Variants in GPC6 observed in about 807,000 individuals in gnomAD.
GPC6 encodes the protein glypican-6.
Under a neutral mutation model 55.2 loss-of-function variants are expected in GPC6, and 14 were observed. That is an observed-to-expected ratio of 0.25 (90% CI 0.17 to 0.40). The LOEUF (loss-of-function observed/expected upper bound fraction) is 0.40. Ranked by LOEUF, GPC6 falls within the 10% of genes least tolerant of loss-of-function variation. The pLI is 1.00. For synonymous variants in GPC6, 278 were observed against 259.6 expected, an observed-to-expected ratio of 1.07 and a Z score of -0.68; for missense variants, 641 against 708.5, an observed-to-expected ratio of 0.90 and a Z score of 1.08.
intron 7 of GPC6, among the ~76,000 whole-genome samples, chr13:94,392,905 A>G (rs1880719773): frequency 6.6e-6 from 1 of 151,316 alleles, no homozygotes; most frequent in Non-Finnish European, 1.5e-5. Context: ...GAGCCACTGC[A>G]CCCGGCCCTG....
intron 1 of GPC6, among the ~76,000 whole-genome samples, chr13:93,299,952 G>C (rs555548562): frequency 6.6e-6 from 1 of 152,178 alleles, no homozygotes; most frequent in African/African-American, 2.4e-5. Flanking sequence ...ATCAAGGATA[G>C]TATCTAGCAG....
At chr13:93,339,163 C>A (rs563118770) in intron 1 of GPC6, among the ~76,000 whole-genome samples, 54 of 152,226 alleles carry the variant, frequency 3.5e-4, no homozygotes, top group African/African-American at 1.3e-3. Flanking sequence ...GTTCCTAGTT[C>A]TCATCTTTAA....
At chr13:93,427,750 A>G (rs1877197976) in intron 1 of GPC6, among the ~76,000 whole-genome samples, 1 of 152,144 alleles carries the variant, frequency 6.6e-6, no homozygotes, top group Non-Finnish European at 1.5e-5. Flanking sequence ...TAGCACAGCA[A>G]TAGCCTCATA....
intron 1 of GPC6, among the ~76,000 whole-genome samples, chr13:93,494,572 T>C (rs1566387184): frequency 6.6e-6 from 1 of 152,198 alleles, no homozygotes; most frequent in Non-Finnish European, 1.5e-5. Context: ...CATTATGATG[T>C]TAGCTGGTGA....
At chr13:93,725,370 A>T (rs1171716441) in intron 2 of GPC6, among the ~76,000 whole-genome samples, 1 of 152,070 alleles carries the variant, frequency 6.6e-6, no homozygotes, top group East Asian at 1.9e-4. Flanking sequence ...TCAAGAACCA[A>T]CATAATAAGC....
chr13:93,667,814 A>G (rs556077000), intron 2 of GPC6, among the ~76,000 whole-genome samples: 1 of 149,878 alleles, frequency 6.7e-6, no homozygotes, highest in African/African-American at 2.5e-5. Context: ...AATTCATAGC[A>G]GAGACTGCTG....
intron 1 of GPC6, among the ~76,000 whole-genome samples, chr13:93,434,722 T>A (rs1877501512): frequency 6.6e-6 from 1 of 152,194 alleles, no homozygotes; most frequent in Admixed American, 6.5e-5. Context: ...TTTTGTTTGT[T>A]TTTGAGACAG....
At chr13:93,418,453 A>G (rs191855268) in intron 1 of GPC6, among the ~76,000 whole-genome samples, 125 of 151,512 alleles carry the variant, frequency 8.3e-4, no homozygotes, top group African/African-American at 2.9e-3. Flanking sequence ...TAATAGCACT[A>G]TACTGTAGTA....
At chr13:93,281,538 GC>G (rs1477278682) in intron 1 of GPC6, among the ~76,000 whole-genome samples, 1 of 152,164 alleles carries the variant, frequency 6.6e-6, no homozygotes, top group Non-Finnish European at 1.5e-5. Context: ...GAATGGCTGG[GC>G]GCAGTGGCTT....
intron 4 of GPC6, among the ~76,000 whole-genome samples, chr13:94,280,976 TA>T (rs1892362771): frequency 6.6e-6 from 1 of 152,200 alleles, no homozygotes; most frequent in South Asian, 2.1e-4. Context: ...TTTATTTTTT[TA>T]ATTTTAATAT....
intron 3 of GPC6, among the ~76,000 whole-genome samples, chr13:93,944,029 C>T (rs1383646180): frequency 1.3e-5 from 2 of 152,144 alleles, no homozygotes; most frequent in Non-Finnish European, 2.9e-5. Flanking sequence ...CTCTGAAGCA[C>T]CTGCTAGCGC....
intron 4 of GPC6, among the ~76,000 whole-genome samples, chr13:94,185,732 C>CG (rs1889158296): frequency 6.6e-6 from 1 of 151,986 alleles, no homozygotes; most frequent in Non-Finnish European, 1.5e-5. Flanking sequence ...GCATCCCCAG[C>CG]GTGGAGCTCA....
At chr13:93,401,176 G>C (rs1377186263) in intron 1 of GPC6, among the ~76,000 whole-genome samples, 1 of 151,360 alleles carries the variant, frequency 6.6e-6, no homozygotes, top group Non-Finnish European at 1.5e-5. Context: ...GTGTGTGTGT[G>C]TGTGTGTGTG....
intron 1 of GPC6, among the ~76,000 whole-genome samples, chr13:93,544,891 T>C (rs1874693567): frequency 6.6e-6 from 1 of 152,182 alleles, no homozygotes; most frequent in Non-Finnish European, 1.5e-5. Flanking sequence ...TAAGTGTCTT[T>C]TGCCTTACTT....
At chr13:94,178,743 G>C (rs1278266636) in intron 4 of GPC6, among the ~76,000 whole-genome samples, 1 of 152,080 alleles carries the variant, frequency 6.6e-6, no homozygotes, top group Non-Finnish European at 1.5e-5. Flanking sequence ...ACTCTGATCA[G>C]CAGTTCTCAG....
At chr13:93,382,836 A>G (rs752123773) in intron 1 of GPC6, among the ~76,000 whole-genome samples, 45 of 152,180 alleles carry the variant, frequency 3.0e-4, no homozygotes, top group Non-Finnish European at 5.0e-4. Flanking sequence ...TCAACACTTT[A>G]TACATTGTCC....
At chr13:94,304,278 G>C (rs1404828303) in intron 5 of GPC6, among the ~76,000 whole-genome samples, 3 of 152,206 alleles carry the variant, frequency 2.0e-5, no homozygotes, top group Non-Finnish European at 1.5e-5. Flanking sequence ...AGTTGAAGGA[G>C]AACTTTTGAA....
chr13:93,588,197 G>C (rs370782065), intron 2 of GPC6, among the ~76,000 whole-genome samples: 2 of 152,264 alleles, frequency 1.3e-5, no homozygotes, highest in East Asian at 1.9e-4. Context: ...ATTTGCTTTA[G>C]TTTTGTGTAT....
intron 1 of GPC6, among the ~76,000 whole-genome samples, chr13:93,243,129 T>G (rs1458548615): frequency 6.6e-6 from 1 of 152,154 alleles, no homozygotes; most frequent in Non-Finnish European, 1.5e-5. Flanking sequence ...AAAGCTCTCC[T>G]TGAGTTTGGA....
Sources: allele counts gnomAD v4.1 joint callset (sites outside exome capture counted in the v4.1 genomes callset), GRCh38; gene constraint gnomAD v4.1.1; transcripts MANE v1.5; gene names NCBI Gene and HGNC (gene_info 2026-07-23, HGNC 2026-07-21).